The following NDUFV2 variants were observed in gnomAD, a reference collection of about 807,000 sequenced individuals.
NDUFV2 encodes NADH dehydrogenase [ubiquinone] flavoprotein 2, mitochondrial.
In NDUFV2, 18 loss-of-function variants were observed where a neutral mutation model predicts 31.6. That is an observed-to-expected ratio of 0.57 (90% CI 0.39 to 0.84). NDUFV2 has a LOEUF of 0.84. NDUFV2 is among the 40% of genes least tolerant of loss of function. The pLI, the probability that NDUFV2 is intolerant of heterozygous loss-of-function variation, is 0.00. For synonymous variants in NDUFV2, 83 were observed against 99.8 expected (o/e 0.83, Z 1.01); for missense variants, 314 against 303.6 (o/e 1.03, Z -0.26).
chr18:9,127,078 C>G (rs1228420620), intron 7 of NDUFV2, among the ~76,000 whole-genome samples, 171 bp downstream of exon 7: 1 of 151,738 alleles, frequency 6.6e-6, no homozygotes, highest in Non-Finnish European at 1.5e-5. Flanking sequence ...TTTCTAAAAC[C>G]CTGTCTGATA....
rs561642188 is a variant in NDUFV2, at chr18:9,104,967, C to T, written c.54+2170C>T. 31 of 1,554,524 alleles carry T rather than the reference C, an allele frequency of 2.0e-5. No homozygotes were observed. The African/African-American group carries it at 2.7e-4, about 13-fold the overall frequency. On this transcript the variant is annotated intron_variant, in intron 1 of 7. Transcript: ENST00000318388. ...AGACCTTACAGACAATTTGTTTCTA[C>T]AAAAATGGAAAGGTATTTATACTGT...
chr18:9,134,044 A>T, intron 7 of NDUFV2, 142 bp from the exon 8 acceptor site: 1 of 604,706 alleles, frequency 1.7e-6, no homozygotes, highest in Non-Finnish European at 3.0e-6. Context: ...GCATCAGTTG[A>T]AATGTTTGAA....
chr18:9,108,689 AT>A (rs11291545), intron 1 of NDUFV2, among the ~76,000 whole-genome samples: 77,008 of 122,836 alleles, frequency 0.63, 23,559 homozygotes, highest in Middle Eastern at 0.77. Context: ...TTTTCATGGA[AT>A]TTTTTTTTTT....
At chr18:9,118,417 T>G (rs896625105) in intron 2 of NDUFV2, among the ~76,000 whole-genome samples, 4 of 152,130 alleles carry the variant, frequency 2.6e-5, no homozygotes, top group African/African-American at 9.7e-5. Flanking sequence ...AAGGTGCTGT[T>G]TTCAGGGATT....
intron 1 of NDUFV2, among the ~76,000 whole-genome samples, chr18:9,107,530 A>G (rs1224132724): frequency 6.6e-6 from 1 of 152,208 alleles, no homozygotes; most frequent in African/African-American, 2.4e-5. Flanking sequence ...TATCTGTCGG[A>G]TATTTTGCTA....
chr18:9,120,649 G>A (rs1410006858), intron 4 of NDUFV2, among the ~76,000 whole-genome samples: 1 of 137,104 alleles, frequency 7.3e-6, no homozygotes, highest in Non-Finnish European at 1.6e-5. Flanking sequence ...TATTTTATTT[G>A]CATTGTATAG....
chr18:9,129,910 T>A (rs1334743465), intron 7 of NDUFV2, among the ~76,000 whole-genome samples: 1 of 152,138 alleles, frequency 6.6e-6, no homozygotes, highest in East Asian at 1.9e-4. Context: ...AGATTAGAAT[T>A]TAGTAGATAT....
chr18:9,123,429 CT>C (rs946577323), intron 5 of NDUFV2, among the ~76,000 whole-genome samples: 1 of 151,618 alleles, frequency 6.6e-6, no homozygotes, highest in Non-Finnish European at 1.5e-5. Context: ...TGTATGCTTG[CT>C]TTTTAGACTT....
At chr18:9,133,301 G>A (rs1598355028) in intron 7 of NDUFV2, 1 of 152,336 alleles carries the variant, frequency 6.6e-6, no homozygotes, top group Non-Finnish European at 1.5e-5. Flanking sequence ...AATTAGCAAA[G>A]CCAGGGAATA....
In NDUFV2 at chr18:9,118,829, T is replaced by G. The variant is rs796780379; in HGVS notation, c.121-497T>G. Among the ~76,000 whole-genome samples, 7 of 148,266 alleles carry G rather than the reference T, an allele frequency of 4.7e-5. No individual in the cohort carries two copies. The South Asian group carries it at 1.3e-3, about 27-fold the overall frequency. The stretch of plus-strand genomic sequence containing the variant: ...GAGATGGTGCTGTTTTTTTTTTTTT[T>G]TTTTTTTTTTTAAGATGGTCCTTTT... On this transcript the variant is annotated intron_variant, in intron 2 of 7. Transcript: ENST00000318388.
chr18:9,102,730 C>G lies in NDUFV2; in HGVS notation c.-14C>G. 1 of 1,582,586 alleles carries G rather than the reference C, an allele frequency of 6.3e-7. No homozygotes were observed. Among genetic ancestry groups the G allele is most frequent in the Non-Finnish European group, 8.6e-7 (1 of 1,167,094 alleles). On this transcript the variant is annotated 5_prime_UTR_variant, in exon 1 of 8. Transcript: ENST00000318388. ...GCCTGGCGCGGCTGGGGAAGGTGAA[C>G]AGTGTGGCCCGCCATGTTCTTCTCC...
Position 9,126,957 on chromosome 18 carries a change from CT to C in NDUFV2, c.656+53del, listed in dbSNP as rs766067264. On this transcript the variant is annotated intron_variant, in intron 7 of 7. Transcript: ENST00000318388. Reference sequence around the variant, plus strand: ...GTTTTAGTGGCTCACCTAAATTAATCTTTCAGATAAACTTGATTTAAAAAAT... The same window carrying C: ...GTTTTAGTGGCTCACCTAAATTAATCTTCAGATAAACTTGATTTAAAAAAT... 7 of 1,437,266 alleles carry C rather than the reference CT, an allele frequency of 4.9e-6. No individual in the cohort carries two copies. In the East Asian group the frequency reaches 1.6e-4, roughly 33 times the overall value. The allele number at this position is 1,437,266 out of a possible 1,614,324, so 89.0% of individuals were successfully genotyped here.
intron 4 of NDUFV2, among the ~76,000 whole-genome samples, chr18:9,121,021 G>A (rs540916461): frequency 2.6e-5 from 4 of 152,266 alleles, no homozygotes; most frequent in African/African-American, 9.6e-5. Context: ...GGATGTTGAT[G>A]TGGGAGGATT....
intron 1 of NDUFV2, chr18:9,104,256 G>C: frequency 6.2e-7 from 1 of 1,612,652 alleles, no homozygotes; most frequent in African/African-American, 1.3e-5. Flanking sequence ...AAATAAGGGA[G>C]AGACAGGGGC....
In NDUFV2 at chr18:9,102,750, T is replaced by G; in HGVS notation, c.7T>G (p.Phe3Val). The G allele has an allele frequency of 6.3e-7, 1 of 1,588,600 alleles. No homozygotes were observed. Among genetic ancestry groups the G allele is most frequent in the Non-Finnish European group, 8.5e-7 (1 of 1,169,650 alleles). MFFSAALRARAAG... is the reference protein window; with the variant it reads MFVSAALRARAAG... ...GTGAACAGTGTGGCCCGCCATGTTC[T>G]TCTCCGCGGCGCTCCGGGCCCGGGC... is the stretch of plus-strand genomic sequence containing the variant. Residue 3 changes from phenylalanine to valine, a missense_variant, in exon 1 of 8, where the codon TTC becomes GTC. Coordinates refer to ENST00000318388, the MANE Select transcript of NDUFV2 (RefSeq NM_021074.5).
intron 5 of NDUFV2, among the ~76,000 whole-genome samples, chr18:9,123,553 A>T (rs2077959146): frequency 6.6e-6 from 1 of 151,740 alleles, no homozygotes; most frequent in African/African-American, 2.4e-5. Flanking sequence ...TGGCTGGATC[A>T]TGGCTCACTG....
chr18:9,119,975 A>G (rs1280083908), intron 4 of NDUFV2, among the ~76,000 whole-genome samples: 1 of 152,172 alleles, frequency 6.6e-6, no homozygotes, highest in Admixed American at 6.5e-5. Context: ...AAAATTTTTA[A>G]TATTTTACAT....
intron 4 of NDUFV2, chr18:9,121,134 G>T (rs2077932378): frequency 6.6e-6 from 1 of 152,024 alleles, no homozygotes; most frequent in African/African-American, 2.4e-5. Context: ...ATTTGTGTGG[G>T]GGAAAGGCAG....
Position 9,122,505 on chromosome 18 carries a change from T to C in NDUFV2, c.301-8T>C. 6.2e-7 allele frequency: 1 copy of C among 1,601,500 alleles called. No homozygotes were observed. The highest frequency in any genetic ancestry group is 8.6e-7 in the Non-Finnish European group (1 of 1,169,088). On this transcript the variant is annotated splice_polypyrimidine_tract_variant and splice_region_variant and intron_variant, in intron 4 of 7. Coordinates refer to ENST00000318388, the MANE Select transcript of NDUFV2 (RefSeq NM_021074.5). ...ATTATCTTATTTTTAAATGTCCTAA[T>C]ATTTTAGGTTGCAGAAGTTTTACAA...
Sources: gnomAD v4.1 joint callset for allele counts (sites outside exome capture counted in the v4.1 genomes callset) on GRCh38, gnomAD v4.1.1 for gene constraint, MANE v1.5 for transcripts, NCBI Gene and HGNC (gene_info 2026-07-23, HGNC 2026-07-21) for gene names.